Variants in FDFT1 observed in about 807,000 individuals in gnomAD.
The protein encoded by FDFT1 is squalene synthase.
FDFT1 carries 68 observed loss-of-function variants against 46.8 expected under a neutral mutation model. The observed-to-expected ratio is 1.45, with a 90% CI of 1.19 to 1.78. FDFT1 has a LOEUF of 1.78. Among genes scored for constraint, FDFT1 ranks in the 40% most tolerant of loss-of-function variants. FDFT1 has a pLI of 0.00. For missense variants in FDFT1, 928 were observed against 524.4 expected (o/e 1.77, Z -7.52); for synonymous variants, 351 against 185.1 (o/e 1.90, Z -7.28).
At chr8:11,828,012 G>C (rs1469020602) in intron 5 of FDFT1, among the ~76,000 whole-genome samples, 1 of 152,128 alleles carries the variant, frequency 6.6e-6, no homozygotes, top group Non-Finnish European at 1.5e-5. Flanking sequence ...GAACAGCCTG[G>C]CCAACATGGC....
At chr8:11,822,331 C>CT (rs35190824) in intron 4 of FDFT1, among the ~76,000 whole-genome samples, 24,420 of 152,118 alleles carry the variant, frequency 0.16, 2,146 homozygotes, top group African/African-American at 0.22. Flanking sequence ...TATTTCATAC[C>CT]TTTAACTGTG....
chr8:11,837,003 T>C (rs1811629646), intron 7 of FDFT1, among the ~76,000 whole-genome samples: 1 of 149,490 alleles, frequency 6.7e-6, no homozygotes, highest in South Asian at 2.1e-4. Flanking sequence ...CATTTCCACG[T>C]AAGTGGAAAG....
chr8:11,806,750 G>C (rs1242361459), intron 1 of FDFT1, among the ~76,000 whole-genome samples: 1 of 152,120 alleles, frequency 6.6e-6, no homozygotes, highest in East Asian at 1.9e-4. Context: ...CGGGTATTCT[G>C]TTTCTTTCAC....
At chr8:11,799,446 G>C (rs1229571759), upstream of FDFT1, among the ~76,000 whole-genome samples, 1 of 152,230 alleles carries the variant, frequency 6.6e-6, no homozygotes, top group Non-Finnish European at 1.5e-5. Flanking sequence ...AGGGGTGCCT[G>C]ACTTCACCAT....
intron 3 of FDFT1, among the ~76,000 whole-genome samples, chr8:11,814,175 C>A (rs550255268): frequency 1.3e-5 from 2 of 152,278 alleles, no homozygotes; most frequent in African/African-American, 4.8e-5. Context: ...TTCTAATAAC[C>A]TCTTGTAGAA....
intron 4 of FDFT1, among the ~76,000 whole-genome samples, chr8:11,824,946 A>G (rs966795843): frequency 1.3e-5 from 2 of 152,044 alleles, no homozygotes; most frequent in Non-Finnish European, 2.9e-5. Context: ...CGTCTTAGCC[A>G]GGATGGTCTT....
chr8:11,797,179 A>G (rs1805639708), intron 1 of FDFT1, among the ~76,000 whole-genome samples: 3 of 152,272 alleles, frequency 2.0e-5, no homozygotes, highest in Admixed American at 1.3e-4. Context: ...TGTTTTAGCT[A>G]GTCCTCAATT....
chr8:11,826,208 C>T lies in FDFT1; in HGVS notation c.695C>T (p.Pro232Leu). Residue 232 changes from proline (P) to leucine (L), a missense_variant, in exon 5 of 8, where the codon CCT becomes CTT. Transcript: ENST00000220584. ...CAGCAAGGAGGAAGAGAGTTCTGGC[C>T]TCAAGAGGTAACAGATTCAGGGTAT... ...EDQQGGREFW[P>L]QEVWSRYVKK... 2 of 1,539,310 alleles carry T rather than the reference C, an allele frequency of 1.3e-6. No homozygotes were observed. The highest frequency in any genetic ancestry group is 8.9e-7 in the Non-Finnish European group (1 of 1,129,444).
intron 1 of FDFT1, among the ~76,000 whole-genome samples, chr8:11,796,172 A>C (rs1318583708): frequency 6.6e-6 from 1 of 152,248 alleles, no homozygotes; most frequent in Non-Finnish European, 1.5e-5. Flanking sequence ...GCTAAACAAA[A>C]TACAAAGCCA....
chr8:11,838,744 A>AG lies in FDFT1; in HGVS notation c.*137dup. 1.4e-6 allele frequency: 1 copy of AG among 737,222 alleles called. No homozygotes were observed. 45.7% of individuals were successfully genotyped at this position (737,222 alleles called of 1,614,324 possible). A position where few individuals can be genotyped will look rare whatever the true frequency, so the allele number is the denominator to read the frequency against. ...AGAACGCTGTGTGGCTGGGACCTTT[A>AG]GGAAAGTGAAATGCAGGTGAGAAGA... is the stretch of plus-strand genomic sequence containing the variant. On this transcript the variant is annotated 3_prime_UTR_variant, in exon 8 of 8. Transcript: ENST00000220584.
intron 1 of FDFT1, 182 bp from the exon 2 acceptor site, chr8:11,808,612 G>T: frequency 7.2e-7 from 1 of 1,392,144 alleles, no homozygotes; most frequent in Non-Finnish European, 9.3e-7. Flanking sequence ...CCGGGCGCAG[G>T]CACCGCCCCG....
rs370272150 is a variant in FDFT1, at chr8:11,797,088, C to T, written c.-94+1077C>T. 3.9e-5 allele frequency among the ~76,000 whole-genome samples: 6 copies of T among 152,140 alleles called. No homozygotes were observed. The East Asian group carries it at 7.7e-4, about 20-fold the overall frequency. On this transcript the variant is annotated intron_variant, in intron 1 of 7. Coordinates refer to the FDFT1 transcript ENST00000538689. ...ATTGCCATGGAAAGGGGTGGTAAAT[C>T]CTGGGTGTTGCGATGGCAATGGTAA...
At position 11,821,800 on chromosome 8, in the gene FDFT1, C is replaced by T. The variant is rs373449722; in HGVS notation, c.432C>T (p.Ala144=). ...CTGAGAAATACCAAACAGTGATTGC[C>T]GACATTTGCCGGAGAATGGGCATTG... The part of the protein sequence containing the change: ...NLAEKYQTVI[A]DICRRMGIGM... Residue 144 remains alanine, a synonymous_variant, in exon 4 of 8, where the codon GCC becomes GCT. Transcript: ENST00000220584. The T allele has an allele frequency of 1.5e-4, 248 of 1,613,422 alleles. No homozygotes were observed. The highest frequency in any genetic ancestry group is 1.8e-4 in the Non-Finnish European group (217 of 1,179,676).
chr8:11,808,503 G>A, intron 1 of FDFT1: 1 of 1,329,336 alleles, frequency 7.5e-7, no homozygotes, highest in Non-Finnish European at 9.6e-7. Context: ...AAACTCCGCG[G>A]GGTCCGCGAT....
chr8:11,838,869 A>G lies in FDFT1; in HGVS notation c.*260A>G. ...GGCTCATGGCAGAGCATTCAGTGCC[A>G]CGGTTTAGGTGAAGTCGCTGCATAT... is the stretch of plus-strand genomic sequence containing the variant. On this transcript the variant is annotated 3_prime_UTR_variant, in exon 8 of 8. Transcript: ENST00000220584. 1 of 486,752 alleles carries G rather than the reference A, an allele frequency of 2.1e-6. No individual in the cohort carries two copies. 30.2% of individuals were successfully genotyped at this position (486,752 alleles called of 1,614,324 possible).
chr8:11,820,493 G>T (rs1003908333), intron 3 of FDFT1, among the ~76,000 whole-genome samples: 2 of 150,584 alleles, frequency 1.3e-5, no homozygotes, highest in Non-Finnish European at 2.9e-5. Flanking sequence ...GCTGAGCTGC[G>T]GTGGGCTCCA....
In FDFT1 at chr8:11,804,225, G is replaced by A. The variant is rs981736677; in HGVS notation, c.99+1294G>A. Among the ~76,000 whole-genome samples the A allele has an allele frequency of 2.0e-5, 3 of 152,222 alleles. No individual in the cohort carries two copies. In the South Asian group the frequency reaches 6.2e-4, roughly 31 times the overall value. On this transcript the variant is annotated intron_variant, in intron 1 of 7. Transcript: ENST00000220584. ...CACTGCAGAGGAAGATACTAGCAGGGCAAGGGATCTGAGTGCAGTCAGACC... is the reference window on the plus strand; with the variant it reads ...CACTGCAGAGGAAGATACTAGCAGGACAAGGGATCTGAGTGCAGTCAGACC...
At chr8:11,801,427 C>T (rs917448470), upstream of FDFT1, among the ~76,000 whole-genome samples, 1 of 152,242 alleles carries the variant, frequency 6.6e-6, no homozygotes, top group Non-Finnish European at 1.5e-5. Context: ...TCAAGCGATT[C>T]TCCTGCCTCA....
chr8:11,831,475 G>T (rs761714231), intron 6 of FDFT1, 43 bp from the exon 7 acceptor site: 2 of 1,580,432 alleles, frequency 1.3e-6, no homozygotes, highest in South Asian at 1.1e-5. Flanking sequence ...GATAGCTAAC[G>T]ACATCATTTC....
Sources: gnomAD v4.1 joint callset for allele counts (sites outside exome capture counted in the v4.1 genomes callset) on GRCh38, gnomAD v4.1.1 for gene constraint, MANE v1.5 for transcripts, NCBI Gene and HGNC (gene_info 2026-07-23, HGNC 2026-07-21) for gene names.